USP25: variants seen among roughly 807,000 people sequenced by gnomAD.
USP25 encodes ubiquitin specific peptidase 25, also known as ubiquitin carboxyl-terminal hydrolase 25.
A neutral mutation model predicts 158.5 loss-of-function variants in USP25; 85 were observed. The observed-to-expected ratio is 0.54, with a 90% CI of 0.45 to 0.64. USP25 has a LOEUF of 0.64. Among genes scored for constraint, USP25 ranks in the 30% least tolerant of loss-of-function variants. USP25 has a pLI of 0.00. For missense variants in USP25, 1,242 were observed against 1,327.3 expected (o/e 0.94, Z 1.00); for synonymous variants, 464 against 460.4 (o/e 1.01, Z -0.10).
chr21:15,811,311 T>G, intron 9 of USP25, 101 bp downstream of exon 9: 1 of 1,058,140 alleles, frequency 9.5e-7, no homozygotes, highest in African/African-American at 1.6e-5. Context: ...TATTTTTAAT[T>G]TGATATATTC....
At chr21:15,779,286 C>T (rs533901721) in intron 4 of USP25, among the ~76,000 whole-genome samples, 14 of 151,912 alleles carry the variant, frequency 9.2e-5, no homozygotes, top group South Asian at 6.2e-4. Flanking sequence ...CTTTTTAAAA[C>T]GTGTATTGCA....
intron 4 of USP25, among the ~76,000 whole-genome samples, chr21:15,781,112 C>T (rs982697857): frequency 2.0e-5 from 3 of 152,128 alleles, no homozygotes; most frequent in African/African-American, 7.2e-5. Context: ...CAGTGAGGTA[C>T]CACTGATATC....
Position 15,806,925 on chromosome 21 carries a change from C to T in USP25, c.780+1667C>T, listed in dbSNP as rs183578400. 2.6e-4 allele frequency among the ~76,000 whole-genome samples: 39 copies of T among 151,612 alleles called. No homozygotes were observed. In the East Asian group the frequency reaches 6.4e-3, roughly 25 times the overall value. The stretch of plus-strand genomic sequence containing the variant: ...CTGTTAGTTTTTTCTTTTTCTTTTC[C>T]GTGTTTGTTTTTTTTTGAGACACAG... On this transcript the variant is annotated intron_variant, in intron 7 of 25. Transcript: ENST00000400183.
At chr21:15,742,023 A>G (rs2032102521) in intron 1 of USP25, among the ~76,000 whole-genome samples, 1 of 152,208 alleles carries the variant, frequency 6.6e-6, no homozygotes, top group African/African-American at 2.4e-5. Context: ...TGGAAGTTTG[A>G]AAAGAACATA....
At chr21:15,733,139 C>A (rs1346370619) in intron 1 of USP25, among the ~76,000 whole-genome samples, 1 of 34,168 alleles carries the variant, frequency 2.9e-5, no homozygotes, top group Non-Finnish European at 1.4e-4. Flanking sequence ...GCGCCCCCCC[C>A]CCCCCCCCCA....
rs921685969 is a variant in USP25, at chr21:15,816,770, A to G, written c.932-1928A>G. Among the ~76,000 whole-genome samples, 1 of 151,192 alleles carries G rather than the reference A, an allele frequency of 6.6e-6. No individual in the cohort carries two copies. The highest frequency in any genetic ancestry group is 2.5e-5 in the African/African-American group (1 of 40,568). On this transcript the variant is annotated intron_variant, in intron 9 of 25. Coordinates refer to ENST00000400183, the MANE Select transcript of USP25 (RefSeq NM_001283041.3). This position sits in a 1 kb window ranked among gnomAD's most constrained non-coding sequence, Gnocchi z 4.0. ...TCTCATGGATCATAATGAACCAGTG[A>G]TTTCCACTGCTACCTCAAAACTAAA...
chr21:15,794,559 C>T (rs1173365562), intron 5 of USP25, among the ~76,000 whole-genome samples: 1 of 151,550 alleles, frequency 6.6e-6, no homozygotes, highest in East Asian at 1.9e-4. Context: ...TATGGGTGCT[C>T]ATGATGATCC....
At chr21:15,732,952 T>A (rs2031081407) in intron 1 of USP25, among the ~76,000 whole-genome samples, 2 of 152,308 alleles carry the variant, frequency 1.3e-5, no homozygotes, top group South Asian at 4.1e-4. Context: ...GCTGCTTTTC[T>A]GAGGTTTAGG....
chr21:15,864,290 GGTTGGTTAA>G lies in USP25; in HGVS notation c.2576_2584del (p.Val859_Leu861del). The G allele has an allele frequency of 6.2e-7, 1 of 1,606,662 alleles. No homozygotes were observed. The highest frequency in any genetic ancestry group is 8.5e-7 in the Non-Finnish European group (1 of 1,178,146). On this transcript the variant is annotated inframe_deletion, in exon 21 of 26. Coordinates refer to ENST00000400183, the MANE Select transcript of USP25 (RefSeq NM_001283041.3). ...CAGGCAATTAAGTTGGAATATGCAA[GGTTGGTTAA>G]GTTGGCCCAAGAAGACACCCCACCA...
rs1197255437 is a variant in USP25 at position 15,766,155 on chromosome 21, C to A, written c.268+14C>A. ...AAGCAGATACAAGTAAGTTTTCTTT[C>A]TTTTCTTATTATTTTAATAGAAACA... On this transcript the variant is annotated intron_variant, in intron 3 of 25. Transcript: ENST00000400183. This position sits in a 1 kb window ranked among gnomAD's most constrained non-coding sequence, Gnocchi z 4.0. 2 of 1,577,970 alleles carry A rather than the reference C, an allele frequency of 1.3e-6. No individual in the cohort carries two copies. Among genetic ancestry groups the A allele is most frequent in the Admixed American group, 3.8e-5 (2 of 53,280 alleles).
chr21:15,767,240 CAG>C (rs983921259), intron 3 of USP25, among the ~76,000 whole-genome samples: 1 of 151,998 alleles, frequency 6.6e-6, no homozygotes, highest in African/African-American at 2.4e-5. Context: ...CTCATGTACT[CAG>C]TGGTATTTAA....
chr21:15,737,780 T>A (rs984373457), intron 1 of USP25, among the ~76,000 whole-genome samples: 12 of 152,244 alleles, frequency 7.9e-5, no homozygotes, highest in African/African-American at 2.6e-4. Context: ...ATATACAGAT[T>A]GAATCTCTCA....
chr21:15,798,245 G>T (rs1280026766), intron 5 of USP25, among the ~76,000 whole-genome samples: 1 of 151,140 alleles, frequency 6.6e-6, no homozygotes, highest in Non-Finnish European at 1.5e-5. Flanking sequence ...CTTGAAATGT[G>T]CCAGCTATTT....
At chr21:15,783,901 C>T (rs1214933930) in intron 4 of USP25, among the ~76,000 whole-genome samples, 4 of 151,906 alleles carry the variant, frequency 2.6e-5, no homozygotes, top group East Asian at 1.9e-4. Flanking sequence ...ACCCAGGAGG[C>T]GGAGCTTGCA....
intron 17 of USP25, among the ~76,000 whole-genome samples, chr21:15,840,783 A>G (rs542178306): frequency 1.3e-5 from 2 of 152,318 alleles, no homozygotes; most frequent in South Asian, 2.1e-4. Context: ...CATTAGACCA[A>G]TGTCAGACCA....
chr21:15,763,035 A>T, intron 2 of USP25, 67 bp downstream of exon 2: 2 of 1,410,154 alleles, frequency 1.4e-6, no homozygotes, highest in Non-Finnish European at 1.9e-6. Flanking sequence ...ATTATATTTG[A>T]TAGTTGATTT....
intron 2 of USP25, among the ~76,000 whole-genome samples, chr21:15,763,725 T>C (rs1230641334): frequency 6.6e-6 from 1 of 152,190 alleles, no homozygotes; most frequent in Non-Finnish European, 1.5e-5. Context: ...TAGAGTTCTT[T>C]ATTTGTTTTT....
chr21:15,794,320 T>C (rs1377632362), intron 5 of USP25, among the ~76,000 whole-genome samples: 1 of 151,680 alleles, frequency 6.6e-6, no homozygotes, highest in Non-Finnish European at 1.5e-5. Context: ...AAAGAGAAGA[T>C]TGTACAGATA....
At chr21:15,813,001 C>A (rs2036748627) in intron 9 of USP25, among the ~76,000 whole-genome samples, 2 of 151,942 alleles carry the variant, frequency 1.3e-5, no homozygotes, top group East Asian at 3.9e-4. Context: ...CATCTAAAAC[C>A]TAAAACTCTC....
Sources: gnomAD v4.1 joint callset for allele counts (sites outside exome capture counted in the v4.1 genomes callset) on GRCh38, gnomAD v4.1.1 for gene constraint, Gnocchi (gnomAD v3.1) non-coding constraint, MANE v1.5 for transcripts, NCBI Gene and HGNC (gene_info 2026-07-23, HGNC 2026-07-21) for gene names.